The following SLC25A26 variants were observed in gnomAD, a reference collection of about 807,000 sequenced individuals.
The protein encoded by SLC25A26 is mitochondrial S-adenosylmethionine carrier protein.
A neutral mutation model predicts 37.8 loss-of-function variants in SLC25A26; 36 were observed. The ratio of observed to expected loss-of-function variants is 0.95; its 90% CI spans 0.73 to 1.26. The LOEUF (loss-of-function observed/expected upper bound fraction) is 1.26. Among genes scored for constraint, SLC25A26 ranks in the 50% most tolerant of loss-of-function variants. The pLI is 0.00. For synonymous variants in SLC25A26, 129 were observed against 122.5 expected (o/e 1.05, Z -0.35); for missense variants, 390 against 331.1 (o/e 1.18, Z -1.38).
Position 66,378,062 on chromosome 3 carries a change from A to G in SLC25A26, c.*255A>G. ...CAATTTCCTCAGAACCTCTTAATAA[A>G]TAAGTTTGGTAATGCTGAGGCCAGG... On this transcript the variant is annotated 3_prime_UTR_variant, in exon 10 of 10. Coordinates refer to ENST00000354883, the MANE Select transcript of SLC25A26 (RefSeq NM_001379210.1). 5.3e-6 allele frequency: 2 copies of G among 377,480 alleles called. No individual in the cohort carries two copies. The highest frequency in any genetic ancestry group is 2.0e-5 in the African/African-American group (1 of 49,956). The allele number at this position is 377,480 out of a possible 1,614,324, so 23.4% of individuals were successfully genotyped here.
At chr3:66,202,656 C>T (rs1296864079) in intron 1 of SLC25A26, among the ~76,000 whole-genome samples, 1 of 152,040 alleles carries the variant, frequency 6.6e-6, no homozygotes, top group Non-Finnish European at 1.5e-5. Flanking sequence ...CGAGAACTCC[C>T]ACACATCTTG....
intron 1 of SLC25A26, among the ~76,000 whole-genome samples, chr3:66,173,878 C>G (rs1468505931): frequency 6.6e-6 from 1 of 152,068 alleles, no homozygotes; most frequent in African/African-American, 2.4e-5. Flanking sequence ...TGGTGTAACC[C>G]TGTCTCTACT....
chr3:66,319,842 T>C (rs1476844217), intron 5 of SLC25A26, among the ~76,000 whole-genome samples: 1 of 141,366 alleles, frequency 7.1e-6, no homozygotes, highest in Admixed American at 7.4e-5. Flanking sequence ...CAACCTCTAC[T>C]TCCCAGGTTC....
In SLC25A26 at chr3:66,243,310, G is replaced by A. The variant is rs146026411; in HGVS notation, c.298G>A (p.Val100Met). The A allele has an allele frequency of 3.5e-5, 55 of 1,557,386 alleles. No individual in the cohort carries two copies. In the African/African-American group the frequency reaches 4.7e-4, roughly 13 times the overall value. Residue 100 changes from valine (V) to methionine (M), a missense_variant and splice_region_variant, in exon 3 of 10, where the codon GTG becomes ATG. Val to Met is a conservative substitution (Grantham distance 21). Coordinates refer to ENST00000354883, the MANE Select transcript of SLC25A26 (RefSeq NM_001379210.1). The stretch of plus-strand genomic sequence containing the variant: ...TATGTTGGCTGCCTCTGCTGGAGAA[G>A]TGGTAAGTAACAAGTTTTGTGTATA... ...KHMLAASAGE[V>M]VACLIRVPSE... is the part of the protein sequence containing the mutation.
At chr3:66,252,421 A>C (rs937946766) in intron 3 of SLC25A26, among the ~76,000 whole-genome samples, 1 of 152,206 alleles carries the variant, frequency 6.6e-6, no homozygotes. Flanking sequence ...GTCTGTAGGG[A>C]GGTAGCAAGG....
intron 1 of SLC25A26, among the ~76,000 whole-genome samples, chr3:66,137,932 C>A (rs1476642169): frequency 6.6e-6 from 1 of 152,260 alleles, no homozygotes; most frequent in East Asian, 1.9e-4. Context: ...CTCCCAGGTT[C>A]AAGCGATTCT....
intron 1 of SLC25A26, among the ~76,000 whole-genome samples, chr3:66,149,200 T>C (rs1322262215): frequency 6.6e-6 from 1 of 152,144 alleles, no homozygotes; most frequent in East Asian, 1.9e-4. Context: ...AAAGTATCTC[T>C]TTATTTATCA....
intron 5 of SLC25A26, among the ~76,000 whole-genome samples, chr3:66,265,527 C>T (rs1394838197): frequency 2.6e-5 from 4 of 152,124 alleles, no homozygotes; most frequent in Non-Finnish European, 5.9e-5. Context: ...TTTGGAGGTT[C>T]TGGTATACTG....
chr3:66,374,076 T>C (rs1019617887), intron 9 of SLC25A26, among the ~76,000 whole-genome samples: 1 of 152,216 alleles, frequency 6.6e-6, no homozygotes, highest in South Asian at 2.1e-4. Flanking sequence ...TTTTCTTCCA[T>C]AGACCTGACC....
chr3:66,210,678 A>T (rs1201728500), intron 1 of SLC25A26, among the ~76,000 whole-genome samples: 1 of 152,012 alleles, frequency 6.6e-6, no homozygotes, highest in African/African-American at 2.4e-5. Context: ...ATGCGAGGCT[A>T]ATTTTTGTAT....
chr3:66,220,922 C>T (rs1003993254), upstream of SLC25A26: 7 of 711,810 alleles, frequency 9.8e-6, no homozygotes, highest in Non-Finnish European at 1.4e-5. Flanking sequence ...CCTCTCTGGC[C>T]CTCCCCTAGG....
intron 3 of SLC25A26, among the ~76,000 whole-genome samples, chr3:66,245,539 C>G (rs187449425): frequency 6.6e-6 from 1 of 152,172 alleles, no homozygotes; most frequent in African/African-American, 2.4e-5. Flanking sequence ...TCACACTTTT[C>G]TTTGTAATTA....
intron 5 of SLC25A26, among the ~76,000 whole-genome samples, chr3:66,282,932 G>A (rs1308822326): frequency 1.3e-5 from 2 of 152,088 alleles, no homozygotes; most frequent in East Asian, 3.9e-4. Context: ...CATTTAAATG[G>A]CATTACAGAA....
intron 3 of SLC25A26, among the ~76,000 whole-genome samples, chr3:66,251,182 T>A (rs1576716025): frequency 6.6e-6 from 1 of 152,260 alleles, no homozygotes; most frequent in Admixed American, 6.5e-5. Flanking sequence ...TATAGGGCCT[T>A]GCCTGCTATA....
Position 66,348,328 on chromosome 3 carries a change from G to A in SLC25A26, c.498+1920G>A, listed in dbSNP as rs542435420. 8.5e-5 allele frequency among the ~76,000 whole-genome samples: 13 copies of A among 152,344 alleles called. No individual in the cohort carries two copies. In the East Asian group the frequency reaches 1.2e-3, roughly 14 times the overall value. The stretch of plus-strand genomic sequence containing the variant: ...GTAGAGGGCATCTTACGTGGTAAGA[G>A]TAAGTCTTATTTTGTAAGACCTCAA... On this transcript the variant is annotated intron_variant, in intron 6 of 9. Transcript: ENST00000354883.
intron 3 of SLC25A26, among the ~76,000 whole-genome samples, chr3:66,246,596 G>A (rs930928973): frequency 6.6e-6 from 1 of 152,128 alleles, no homozygotes; most frequent in Admixed American, 6.5e-5. Flanking sequence ...ATGGGAGGTG[G>A]GGTAGGTAGA....
chr3:66,286,806 G>T (rs1192170580), intron 5 of SLC25A26, among the ~76,000 whole-genome samples: 5 of 152,050 alleles, frequency 3.3e-5, no homozygotes, highest in African/African-American at 1.2e-4. Flanking sequence ...GGGATTACAG[G>T]TGTGCACCAC....
intron 6 of SLC25A26, among the ~76,000 whole-genome samples, chr3:66,359,335 T>C (rs2076645754): frequency 6.6e-6 from 1 of 152,226 alleles, no homozygotes; most frequent in Non-Finnish European, 1.5e-5. Context: ...GGACTGTTAC[T>C]TTTTCTTTTC....
At chr3:66,201,870 C>T (rs943875207) in intron 1 of SLC25A26, among the ~76,000 whole-genome samples, 1 of 152,070 alleles carries the variant, frequency 6.6e-6, no homozygotes, top group Admixed American at 6.5e-5. Context: ...GATTAAACTA[C>T]CAAAACCTAA....
Sources: gnomAD v4.1 joint callset for allele counts (sites outside exome capture counted in the v4.1 genomes callset) on GRCh38, gnomAD v4.1.1 for gene constraint, MANE v1.5 for transcripts, NCBI Gene and HGNC (gene_info 2026-07-23, HGNC 2026-07-21) for gene names.